Variants in SHB observed in about 807,000 individuals in gnomAD.
SHB encodes the protein SH2 domain containing adaptor protein B, also known as SH2 domain-containing adapter protein B.
In SHB, 20 loss-of-function variants were observed where a neutral mutation model predicts 52.3. The observed-to-expected ratio is 0.38, with a 90% CI of 0.27 to 0.56. The LOEUF (loss-of-function observed/expected upper bound fraction) is 0.56. Ranked by LOEUF, SHB falls within the 20% of genes least tolerant of loss-of-function variation. The pLI, the probability that SHB is intolerant of heterozygous loss-of-function variation, is 0.71. For synonymous variants in SHB, 397 were observed against 316.5 expected (o/e 1.25, Z -2.70); for missense variants, 825 against 723.3 (o/e 1.14, Z -1.61).
At chr9:38,057,557 G>A (rs1164061694) in intron 1 of SHB, among the ~76,000 whole-genome samples, 6 of 152,210 alleles carry the variant, frequency 3.9e-5, no homozygotes, top group Admixed American at 6.5e-5. Flanking sequence ...CAACTTGCAA[G>A]GGCCCCACAC....
intron 2 of SHB, among the ~76,000 whole-genome samples, chr9:38,000,939 A>G (rs1475303549): frequency 6.6e-6 from 1 of 152,154 alleles, no homozygotes; most frequent in African/African-American, 2.4e-5. Context: ...CTCACCATCT[A>G]TACAATGGAG....
At chr9:37,955,447 C>T (rs1832617661) in intron 4 of SHB, among the ~76,000 whole-genome samples, 1 of 151,990 alleles carries the variant, frequency 6.6e-6, no homozygotes, top group Non-Finnish European at 1.5e-5. Flanking sequence ...GCTAGAAGGC[C>T]CCTGGAGTTC....
intron 1 of SHB, among the ~76,000 whole-genome samples, chr9:38,033,501 T>C (rs1449473359): frequency 1.3e-5 from 2 of 152,158 alleles, no homozygotes; most frequent in Admixed American, 1.3e-4. Flanking sequence ...CTGGACAATA[T>C]AGGGAGACCC....
intron 2 of SHB, among the ~76,000 whole-genome samples, chr9:38,004,325 C>T (rs1201123381): frequency 2.0e-5 from 3 of 152,140 alleles, no homozygotes; most frequent in Admixed American, 2.0e-4. Context: ...AGATCGGGAG[C>T]CTGAAGCATG....
intron 5 of SHB, among the ~76,000 whole-genome samples, chr9:37,924,823 A>G (rs74307816): frequency 0.035 from 5,388 of 152,290 alleles, 142 homozygotes; most frequent in East Asian, 0.11. Flanking sequence ...GGCTCAGGAA[A>G]ATTGTGTCTC....
chr9:37,933,204 A>G (rs1175798286), intron 5 of SHB, among the ~76,000 whole-genome samples: 1 of 152,194 alleles, frequency 6.6e-6, no homozygotes, highest in African/African-American at 2.4e-5. Context: ...AAAACTCCCA[A>G]TAGTTCTTGG....
At chr9:37,921,129 C>G (rs1314732490) in intron 5 of SHB, among the ~76,000 whole-genome samples, 1 of 152,186 alleles carries the variant, frequency 6.6e-6, no homozygotes, top group Non-Finnish European at 1.5e-5. Context: ...ATTCTGCCAC[C>G]AGACGTGTGG....
At chr9:37,932,044 G>A (rs1369940062) in intron 5 of SHB, among the ~76,000 whole-genome samples, 1 of 152,080 alleles carries the variant, frequency 6.6e-6, no homozygotes, top group Non-Finnish European at 1.5e-5. Flanking sequence ...CACTTTGGGA[G>A]GCCAAGGTGG....
chr9:37,974,825 T>C lies in SHB; in HGVS notation c.851A>G (p.Gln284Arg), dbSNP rs1333453857. The C allele has an allele frequency of 1.9e-6, 3 of 1,613,920 alleles. No homozygotes were observed. The highest frequency in any genetic ancestry group is 2.2e-5 in the East Asian group (1 of 44,892). ...TTTATGCTGGGACCGGACACTTTCC[T>C]GCCTCTGAAATTCTGCAGGCAAAAA... ...AQRIMTEFQR[Q>R]ESVRSQHKGI... The change falls in exon 3 of 6, where the codon CAG becomes CGG. Residue 284 changes from glutamine (Q) to arginine (R), a missense_variant. Transcript: ENST00000377707.
intron 1 of SHB, among the ~76,000 whole-genome samples, chr9:38,039,586 C>T (rs1821543390): frequency 1.3e-5 from 2 of 152,268 alleles, no homozygotes; most frequent in Non-Finnish European, 1.5e-5. Context: ...ATCTACAGAG[C>T]AGAGGTTACA....
intron 5 of SHB, among the ~76,000 whole-genome samples, chr9:37,922,761 C>T (rs897643390): frequency 9.2e-5 from 14 of 152,170 alleles, no homozygotes; most frequent in Admixed American, 2.6e-4. Context: ...AGCACTGCAC[C>T]CCGTGGGTTC....
chr9:37,970,323 G>A (rs1820576349), intron 3 of SHB, among the ~76,000 whole-genome samples: 1 of 152,144 alleles, frequency 6.6e-6, no homozygotes, highest in Non-Finnish European at 1.5e-5. Context: ...TCAGAGAAGG[G>A]GAAACTTTCA....
chr9:38,008,443 T>G (rs1262676258), intron 2 of SHB, among the ~76,000 whole-genome samples: 1 of 152,240 alleles, frequency 6.6e-6, no homozygotes, highest in African/African-American at 2.4e-5. Flanking sequence ...CTCCTTCCTG[T>G]CCGGTAGGTA....
At chr9:38,040,116 G>GCT in intron 1 of SHB, among the ~76,000 whole-genome samples, 1 of 152,334 alleles carries the variant, frequency 6.6e-6, no homozygotes, top group Non-Finnish European at 1.5e-5. Flanking sequence ...CCCCATAGCC[G>GCT]CTATCTGCTG....
intron 1 of SHB, among the ~76,000 whole-genome samples, chr9:38,036,551 A>G (rs1174107890): frequency 5.3e-5 from 8 of 152,208 alleles, no homozygotes. Flanking sequence ...CTGGGTGGCC[A>G]CTGGCGGCGA....
rs1821129562 is a variant in SHB, at chr9:38,010,687, C to T, written c.838+5324G>A. Among the ~76,000 whole-genome samples, 3 of 152,214 alleles carry T rather than the reference C, an allele frequency of 2.0e-5. No individual in the cohort carries two copies. The South Asian group carries it at 6.2e-4, about 31-fold the overall frequency. ...CACATGCTCATCTCAGTGCACCCAC[C>T]ACTGACCACTCCAGGTCCATGCCTA... On this transcript the variant is annotated intron_variant, in intron 2 of 5. Coordinates refer to ENST00000377707, the MANE Select transcript of SHB (RefSeq NM_003028.3).
intron 3 of SHB, among the ~76,000 whole-genome samples, chr9:37,969,599 AAGACACCGATTT>A (rs1820569149): frequency 6.6e-6 from 1 of 152,116 alleles, no homozygotes. Flanking sequence ...CAGAGGTGTG[AAGACACCGATTT>A]GGTGTCTTTG....
intron 5 of SHB, 93 bp downstream of exon 5, chr9:37,948,542 G>T: frequency 6.7e-7 from 1 of 1,487,822 alleles, no homozygotes; most frequent in Non-Finnish European, 9.3e-7. Context: ...TTTCCCAGGG[G>T]ACACTGGCGG....
intron 3 of SHB, among the ~76,000 whole-genome samples, chr9:37,960,830 C>T (rs1428296186): frequency 6.6e-6 from 1 of 152,274 alleles, no homozygotes; most frequent in African/African-American, 2.4e-5. Flanking sequence ...TGAGGAACGG[C>T]GGTCCAGAGG....
Sources: allele counts gnomAD v4.1 joint callset (sites outside exome capture counted in the v4.1 genomes callset), GRCh38; gene constraint gnomAD v4.1.1; transcripts MANE v1.5; gene names NCBI Gene and HGNC (gene_info 2026-07-23, HGNC 2026-07-21).